LRRTM4: variants seen among roughly 807,000 people sequenced by gnomAD.
The protein encoded by LRRTM4 is leucine rich repeat transmembrane neuronal 4, also known as leucine-rich repeat transmembrane neuronal protein 4.
A neutral mutation model predicts 47.6 loss-of-function variants in LRRTM4; 25 were observed. The observed-to-expected ratio is 0.53, with a 90% CI of 0.38 to 0.73. The LOEUF is 0.73. LRRTM4 is among the 30% of genes least tolerant of loss of function. The pLI, the probability that LRRTM4 is intolerant of heterozygous loss-of-function variation, is 0.00. For synonymous variants in LRRTM4, 311 were observed against 269.5 expected (o/e 1.15, Z -1.51); for missense variants, 638 against 713.4 (o/e 0.89, Z 1.20).
At chr2:77,116,086 G>A (rs1671382402) in intron 3 of LRRTM4, among the ~76,000 whole-genome samples, 1 of 152,026 alleles carries the variant, frequency 6.6e-6, no homozygotes, top group Non-Finnish European at 1.5e-5. Flanking sequence ...TTAGGCACTT[G>A]CATTTGGATA....
At chr2:76,862,118 A>G (rs1164592423) in intron 3 of LRRTM4, among the ~76,000 whole-genome samples, 3 of 150,734 alleles carry the variant, frequency 2.0e-5, no homozygotes, top group African/African-American at 7.5e-5. Context: ...ACTTTGCAAT[A>G]AATAACAACA....
intron 3 of LRRTM4, among the ~76,000 whole-genome samples, chr2:76,877,177 G>T (rs1255980078): frequency 6.6e-6 from 1 of 152,020 alleles, no homozygotes; most frequent in Non-Finnish European, 1.5e-5. Context: ...TGTTTCTTCA[G>T]CAAGTTCTTT....
chr2:76,817,898 G>C (rs879937226), intron 3 of LRRTM4, among the ~76,000 whole-genome samples: 6 of 151,926 alleles, frequency 3.9e-5, no homozygotes, highest in Non-Finnish European at 8.8e-5. Flanking sequence ...CTCCAGGGAA[G>C]AGGAATTGTG....
chr2:76,789,519 A>C (rs1491000662), intron 3 of LRRTM4, among the ~76,000 whole-genome samples: 1 of 152,140 alleles, frequency 6.6e-6, no homozygotes, highest in Non-Finnish European at 1.5e-5. Flanking sequence ...TCAAAAACAT[A>C]ATGAGGGTTT....
chr2:77,346,055 G>A lies in LRRTM4; in HGVS notation c.1551+172263C>T, dbSNP rs143447464. The stretch of plus-strand genomic sequence containing the variant: ...GAATAAATAAACTATAGGTACTTGC[G>A]TCACCCTTATGAATAAAAGGAGGTA... On this transcript the variant is annotated intron_variant, in intron 3 of 3. Coordinates refer to ENST00000409884, the MANE Select transcript of LRRTM4 (RefSeq NM_001134745.3). 4.1e-3 allele frequency among the ~76,000 whole-genome samples: 621 copies of A among 151,910 alleles called. 2 individuals carry two copies. Among genetic ancestry groups the A allele is most frequent in the African/African-American group, 0.013 (526 of 41,474 alleles).
At chr2:77,349,743 A>G (rs2104293304) in intron 3 of LRRTM4, among the ~76,000 whole-genome samples, 1 of 152,314 alleles carries the variant, frequency 6.6e-6, no homozygotes, top group South Asian at 2.1e-4. Context: ...TTAACGGATT[A>G]GAATAAGAAT....
chr2:77,274,586 A>G (rs774534416), intron 3 of LRRTM4, among the ~76,000 whole-genome samples: 8 of 152,170 alleles, frequency 5.3e-5, no homozygotes, highest in Non-Finnish European at 8.8e-5. Flanking sequence ...CATTAATAAA[A>G]CCAAATGAGA....
At chr2:77,400,599 A>C (rs1405098147) in intron 3 of LRRTM4, among the ~76,000 whole-genome samples, 1 of 151,876 alleles carries the variant, frequency 6.6e-6, no homozygotes, top group Non-Finnish European at 1.5e-5. Flanking sequence ...GAGGGACTTC[A>C]AAAATATAAC....
At chr2:76,916,689 C>T (rs1413911673) in intron 3 of LRRTM4, among the ~76,000 whole-genome samples, 2 of 152,230 alleles carry the variant, frequency 1.3e-5, no homozygotes, top group Middle Eastern at 3.4e-3. Flanking sequence ...TGTGTCCTTA[C>T]TAATTTCAAA....
chr2:76,966,218 G>C (rs2103925566), intron 3 of LRRTM4, among the ~76,000 whole-genome samples: 1 of 151,292 alleles, frequency 6.6e-6, no homozygotes. Context: ...AAGTGAAAGA[G>C]GAAGAAAAGA....
intron 3 of LRRTM4, among the ~76,000 whole-genome samples, chr2:77,247,924 A>G (rs978136560): frequency 2.0e-5 from 3 of 150,510 alleles, no homozygotes; most frequent in African/African-American, 7.3e-5. Context: ...ATAATATGGT[A>G]TATGATATTA....
At position 77,049,657 on chromosome 2, in the gene LRRTM4, C is replaced by T. The variant is rs184772229; in HGVS notation, c.1552-300741G>A. 2.1e-3 allele frequency among the ~76,000 whole-genome samples: 312 copies of T among 151,202 alleles called. 7 individuals are homozygous for T. Among genetic ancestry groups the T allele is most frequent in the African/African-American group, 7.4e-3 (302 of 40,792 alleles). ...ATTAAATTAATTTTTTTGTTGTTGA[C>T]TTGCTTGAGTTTCTTATTTATTATT... On this transcript the variant is annotated intron_variant, in intron 3 of 3. Coordinates refer to ENST00000409884, the MANE Select transcript of LRRTM4 (RefSeq NM_001134745.3).
At chr2:77,165,827 A>G (rs1672868292) in intron 3 of LRRTM4, among the ~76,000 whole-genome samples, 1 of 152,190 alleles carries the variant, frequency 6.6e-6, no homozygotes, top group Admixed American at 6.5e-5. Flanking sequence ...AATAAGAGCT[A>G]TTTATGACAA....
intron 3 of LRRTM4, among the ~76,000 whole-genome samples, chr2:76,895,804 A>T (rs747792535): frequency 6.6e-6 from 1 of 152,078 alleles, no homozygotes; most frequent in Non-Finnish European, 1.5e-5. Flanking sequence ...GCTAACTTCC[A>T]TGCAGTCTGT....
intron 3 of LRRTM4, among the ~76,000 whole-genome samples, chr2:76,807,430 A>ATG (rs1308248997): frequency 2.1e-4 from 21 of 98,128 alleles, no homozygotes; most frequent in East Asian, 4.8e-4. Context: ...ATATACATAT[A>ATG]TATATACGTA....
At chr2:76,815,894 A>G (rs938160731) in intron 3 of LRRTM4, among the ~76,000 whole-genome samples, 1 of 152,146 alleles carries the variant, frequency 6.6e-6, no homozygotes, top group African/African-American at 2.4e-5. Flanking sequence ...GGGCTCTTCT[A>G]AAACTTTCTG....
intron 3 of LRRTM4, among the ~76,000 whole-genome samples, chr2:77,377,717 A>C (rs1367204110): frequency 1.3e-5 from 2 of 152,008 alleles, no homozygotes; most frequent in African/African-American, 4.8e-5. Flanking sequence ...CCTTTTCTGA[A>C]TCTCTGAAGA....
rs1236555449 is a variant in LRRTM4 at position 76,957,704 on chromosome 2, ATAAAT to A, written c.1552-208793_1552-208789del. On this transcript the variant is annotated intron_variant, in intron 3 of 3. Transcript: ENST00000409884. ...GGAACCATCATTAGAAACTGATCTA[ATAAAT>A]TGCTATAAATTTGATGCACTTTCTA... Among the ~76,000 whole-genome samples, 332 of 151,812 alleles carry A rather than the reference ATAAAT, an allele frequency of 2.2e-3. 6 individuals carry two copies. The highest frequency in any genetic ancestry group is 7.8e-3 in the African/African-American group (322 of 41,500).
intron 3 of LRRTM4, among the ~76,000 whole-genome samples, chr2:76,780,360 C>A (rs982875000): frequency 1.3e-5 from 2 of 152,138 alleles, no homozygotes; most frequent in African/African-American, 4.8e-5. Context: ...GAGTGTTTTC[C>A]AACTTGGTTC....
Sources: allele counts gnomAD v4.1 joint callset (sites outside exome capture counted in the v4.1 genomes callset), GRCh38; gene constraint gnomAD v4.1.1; transcripts MANE v1.5; gene names NCBI Gene and HGNC (gene_info 2026-07-23, HGNC 2026-07-21).